UNC79: variants seen among roughly 807,000 people sequenced by gnomAD.
The protein encoded by UNC79 is protein unc-79 homolog.
A neutral mutation model predicts 283.1 loss-of-function variants in UNC79; 37 were observed. The observed-to-expected ratio is 0.13, with a 90% CI of 0.10 to 0.17. The LOEUF (loss-of-function observed/expected upper bound fraction) is 0.17, where lower values mean the gene tolerates loss of function less well. UNC79 is among the 10% of genes least tolerant of loss of function. The probability of loss-of-function intolerance (pLI) is 1.00; values close to 1 mark genes in which losing one functional copy is unlikely to be tolerated. For synonymous variants in UNC79, 1,107 were observed against 1,200.2 expected, an observed-to-expected ratio of 0.92 and a Z score of 1.61; for missense variants, 2,272 against 3,211.1, an observed-to-expected ratio of 0.71 and a Z score of 7.07.
chr14:93,500,564 G>T (rs1354263584), intron 7 of UNC79, among the ~76,000 whole-genome samples: 1 of 152,104 alleles, frequency 6.6e-6, no homozygotes, highest in Non-Finnish European at 1.5e-5. Context: ...ATTTTTTTTA[G>T]CCCTCTCCTA....
In UNC79 at chr14:93,542,384, A is replaced by AT. The variant is rs564924224; in HGVS notation, c.1525-76dup. 2.1e-5 allele frequency: 29 copies of AT among 1,353,892 alleles called. No homozygotes were observed. In the African/African-American group the frequency reaches 4.0e-4, roughly 19 times the overall value. The allele number at this position is 1,353,892 out of a possible 1,614,324, so 83.9% of individuals were successfully genotyped here. On this transcript the variant is annotated intron_variant, in intron 13 of 48. Transcript: ENST00000555664. ...TTATCTGGGATATCTTTTTATTTTT[A>AT]TTTTTTGCCTCTTAATGCACCTATA...
At chr14:93,527,621 G>C (rs1247834538) in intron 8 of UNC79, among the ~76,000 whole-genome samples, 5 of 152,104 alleles carry the variant, frequency 3.3e-5, no homozygotes, top group African/African-American at 9.7e-5. Flanking sequence ...AAGTTTAGGT[G>C]ATTTCCCCCC....
At position 93,628,521 on chromosome 14, in the gene UNC79, T is replaced by A. The variant is rs75415980; in HGVS notation, c.5609-2280T>A. Among the ~76,000 whole-genome samples the A allele has an allele frequency of 4.4e-4, 67 of 152,312 alleles. 3 individuals carry two copies. In the East Asian group the frequency reaches 0.013, roughly 29 times the overall value. On this transcript the variant is annotated intron_variant, in intron 30 of 48. Coordinates refer to ENST00000555664, the Ensembl canonical transcript of UNC79. ...AATTGATCTTCCAACATACAATAAT[T>A]TATTCACTTTTATGCGTATGAATTA... is the stretch of plus-strand genomic sequence containing the variant.
chr14:93,406,069 A>G (rs1272670744), intron 1 of UNC79, among the ~76,000 whole-genome samples: 1 of 152,212 alleles, frequency 6.6e-6, no homozygotes, highest in Non-Finnish European at 1.5e-5. Flanking sequence ...CCTATTTTAT[A>G]TAAACTGAGA....
At chr14:93,578,381 G>C (rs1333900973) in intron 18 of UNC79, among the ~76,000 whole-genome samples, 1 of 152,158 alleles carries the variant, frequency 6.6e-6, no homozygotes, top group Non-Finnish European at 1.5e-5. Context: ...CAACTCTATA[G>C]TGATGAAGCT....
intron 14 of UNC79, among the ~76,000 whole-genome samples, chr14:93,568,944 C>G (rs2063061328): frequency 6.6e-6 from 1 of 152,140 alleles, no homozygotes; most frequent in African/African-American, 2.4e-5. Context: ...AATGGCAAAG[C>G]TACTTTTTAA....
At chr14:93,529,378 T>C in intron 10 of UNC79, 52 bp downstream of exon 10, 1 of 1,585,754 alleles carries the variant, frequency 6.3e-7, no homozygotes, top group Non-Finnish European at 8.6e-7. Flanking sequence ...ACTAATGACA[T>C]AGTTGCTTTA....
At position 93,643,824 on chromosome 14, in the gene UNC79, A is replaced by G. The variant is rs2069303146; in HGVS notation, c.6044+127A>G. ...GTAGATACTGGTATTTGTGACATCA[A>G]CTCAGACTAGTTTTAAAAACCAAAT... On this transcript the variant is annotated intron_variant, in intron 34 of 48. Transcript: ENST00000555664. 2.9e-6 allele frequency: 4 copies of G among 1,375,482 alleles called. No homozygotes were observed. In the Admixed American group the frequency reaches 6.9e-5, roughly 24 times the overall value. The allele number at this position is 1,375,482 out of a possible 1,614,324, so 85.2% of individuals were successfully genotyped here.
rs1351194667 is a variant in UNC79 at position 93,343,889 on chromosome 14, T to TC, written c.-351+10369dup. ...TGTGGGTCACTGAGAATACATCGAATCCCAGCCCACTAAACCCTTTATTGA... is the reference window on the plus strand; with the variant it reads ...TGTGGGTCACTGAGAATACATCGAATCCCCAGCCCACTAAACCCTTTATTGA... On this transcript the variant is annotated intron_variant, in intron 1 of 49. Coordinates refer to the UNC79 transcript ENST00000256339. 2.0e-5 allele frequency among the ~76,000 whole-genome samples: 3 copies of TC among 152,260 alleles called. No individual in the cohort carries two copies. The East Asian group carries it at 5.8e-4, about 29-fold the overall frequency.
At chr14:93,347,322 C>G in intron 1 of UNC79, 4 of 1,603,648 alleles carry the variant, frequency 2.5e-6, no homozygotes, top group Non-Finnish European at 3.4e-6. Flanking sequence ...GCCGCTTGGC[C>G]CTGCTCGGCC....
At chr14:93,335,965 A>G (rs887016157) in intron 1 of UNC79, among the ~76,000 whole-genome samples, 2 of 152,198 alleles carry the variant, frequency 1.3e-5, no homozygotes, top group East Asian at 1.9e-4. Flanking sequence ...CACTCCCTCC[A>G]TCAGTGAATG....
intron 30 of UNC79, among the ~76,000 whole-genome samples, chr14:93,624,363 T>A (rs1405302803): frequency 5.9e-5 from 9 of 152,150 alleles, no homozygotes; most frequent in Admixed American, 5.9e-4. Flanking sequence ...TAAGAAGGCT[T>A]TCAGGGAAAC....
chr14:93,335,427 G>A (rs1396417231), intron 1 of UNC79, among the ~76,000 whole-genome samples: 4 of 152,212 alleles, frequency 2.6e-5, no homozygotes, highest in African/African-American at 4.8e-5. Context: ...AAAATAAATG[G>A]ATCTTTGTAC....
chr14:93,620,062 G>T (rs982375062), intron 29 of UNC79, among the ~76,000 whole-genome samples: 2 of 152,206 alleles, frequency 1.3e-5, no homozygotes, highest in Non-Finnish European at 2.9e-5. Flanking sequence ...CCACATGGGT[G>T]TAGAAGGGAG....
intron 1 of UNC79, among the ~76,000 whole-genome samples, chr14:93,431,968 A>G (rs1373175480): frequency 6.6e-6 from 1 of 152,236 alleles, no homozygotes; most frequent in Non-Finnish European, 1.5e-5. Context: ...ATTGTAAATA[A>G]AAGACGTTTT....
At chr14:93,462,979 C>A (rs2057015081) in intron 1 of UNC79, among the ~76,000 whole-genome samples, 1 of 152,042 alleles carries the variant, frequency 6.6e-6, no homozygotes, top group Admixed American at 6.6e-5. Context: ...CCTGGATGCT[C>A]CTGACAGTCC....
chr14:93,661,786 A>G (rs570242782), intron 39 of UNC79, among the ~76,000 whole-genome samples: 1 of 152,300 alleles, frequency 6.6e-6, no homozygotes, highest in East Asian at 1.9e-4. Flanking sequence ...GGTGGAAGCC[A>G]TTATTATCCC....
intron 1 of UNC79, among the ~76,000 whole-genome samples, chr14:93,463,147 G>T (rs934125220): frequency 6.6e-6 from 1 of 152,154 alleles, no homozygotes; most frequent in African/African-American, 2.4e-5. Context: ...AAGAGCAGGG[G>T]AATGTGGGGT....
chr14:93,610,863 G>A (rs534526270), intron 26 of UNC79, among the ~76,000 whole-genome samples: 40 of 151,958 alleles, frequency 2.6e-4, no homozygotes, highest in Non-Finnish European at 4.1e-4. Flanking sequence ...CTCCCACCTC[G>A]GCCTCCCAAA....
Sources: gnomAD v4.1 joint callset for allele counts (sites outside exome capture counted in the v4.1 genomes callset) on GRCh38, gnomAD v4.1.1 for gene constraint, MANE v1.5 for transcripts, NCBI Gene and HGNC (gene_info 2026-07-23, HGNC 2026-07-21) for gene names.